RARA: variants seen among roughly 807,000 people sequenced by gnomAD.
RARA encodes PML-DDX5-RARA fusion.
In RARA, 5 loss-of-function variants were observed where a neutral mutation model predicts 42.8. The observed-to-expected ratio is 0.12, with a 90% confidence interval of 0.06 to 0.25. The LOEUF is 0.25. RARA is among the 10% of genes least tolerant of loss of function. The pLI, the probability that RARA is intolerant of heterozygous loss-of-function variation, is 1.00. For missense variants in RARA, 402 were observed against 628.7 expected (o/e 0.64, Z 3.86); for synonymous variants, 256 against 259.5 (o/e 0.99, Z 0.13).
At chr17:40,315,171 T>TACACACAC (rs71355449) in intron 1 of RARA, among the ~76,000 whole-genome samples, 22 of 76,562 alleles carry the variant, frequency 2.9e-4, no homozygotes, top group African/African-American at 8.2e-4. Flanking sequence ...TATATATATA[T>TACACACAC]ACACACACAC....
At chr17:40,311,272 C>T (rs1397155012) in intron 1 of RARA, among the ~76,000 whole-genome samples, 2 of 152,072 alleles carry the variant, frequency 1.3e-5, no homozygotes, top group South Asian at 4.1e-4. Flanking sequence ...GGCACTGCCC[C>T]GGCCTCCCAA....
At chr17:40,338,733 G>A (rs956621042) in intron 2 of RARA, among the ~76,000 whole-genome samples, 2 of 151,276 alleles carry the variant, frequency 1.3e-5, no homozygotes, top group Non-Finnish European at 2.9e-5. Flanking sequence ...AAAAAGCGTG[G>A]GCACGGTGGC....
chr17:40,338,256 G>A (rs1383504653), intron 2 of RARA, among the ~76,000 whole-genome samples: 10 of 152,228 alleles, frequency 6.6e-5, no homozygotes, highest in Admixed American at 5.2e-4. Context: ...GGAAGAGGAA[G>A]TGGTTTCCAT....
intron 2 of RARA, among the ~76,000 whole-genome samples, chr17:40,333,091 C>T (rs756841004): frequency 1.3e-5 from 2 of 152,116 alleles, no homozygotes; most frequent in Non-Finnish European, 2.9e-5. Flanking sequence ...GCTCTGTCAC[C>T]GAGGCTGGAG....
chr17:40,330,357 G>A (rs1445558121), intron 1 of RARA, among the ~76,000 whole-genome samples: 3 of 152,138 alleles, frequency 2.0e-5, no homozygotes, highest in Non-Finnish European at 2.9e-5. Flanking sequence ...GGACAAACCC[G>A]TCTGGGGTGC....
chr17:40,356,151 C>T lies in RARA; in HGVS notation c.1314C>T (p.Ala438=), dbSNP rs755494022. The stretch of plus-strand genomic sequence containing the variant: ...GGGGGCGGGACGGGGGTGGCCTGGC[C>T]CCCCCGCCAGGCAGCTGTAGCCCCA... The part of the protein sequence containing the change: ...GGGGRDGGGL[A]PPPGSCSPSL... The change falls in exon 9 of 9, where the codon GCC becomes GCT. Residue 438 remains alanine (A), a synonymous_variant. Coordinates refer to ENST00000254066, the MANE Select transcript of RARA (RefSeq NM_000964.4). 7 of 1,554,038 alleles carry T rather than the reference C, an allele frequency of 4.5e-6. No individual in the cohort carries two copies. The highest frequency in any genetic ancestry group is 1.4e-5 in the African/African-American group (1 of 73,570).
chr17:40,355,385 A>T lies in RARA; in HGVS notation c.1135A>T (p.Met379Leu), dbSNP rs1186254491. Residue 379 changes from methionine (M) to leucine (L), a missense_variant, in exon 8 of 9, where the codon ATG (methionine) becomes TTG (leucine). Physicochemically the swap from Met to Leu is conservative, Grantham distance 15 (BLOSUM62 2). Transcript: ENST00000254066. This position sits in a 1 kb window ranked among gnomAD's most constrained non-coding sequence, Gnocchi z 4.1. ...SRPHMFPKML[M>L]KITDLRSISA... ...CCCCCACATGTTCCCCAAGATGCTA[A>T]TGAAGATTACTGACCTGCGAAGCAT... is the stretch of plus-strand genomic sequence containing the variant. 6.2e-6 allele frequency: 10 copies of T among 1,614,030 alleles called. No individual in the cohort carries two copies. Among genetic ancestry groups the T allele is most frequent in the Non-Finnish European group, 8.5e-6 (10 of 1,179,942 alleles).
rs761900323 is a variant in RARA at position 40,356,247 on chromosome 17, C to G, written c.*21C>G. ...CGTGACCGCCCACGCCACATGGACA[C>G]AGCCCTCGCCCTCCGCCCCGGCTTT... On this transcript the variant is annotated 3_prime_UTR_variant, in exon 9 of 9. Coordinates refer to ENST00000254066, the MANE Select transcript of RARA (RefSeq NM_000964.4). 1.6e-5 allele frequency: 24 copies of G among 1,546,390 alleles called. No individual in the cohort carries two copies. Among genetic ancestry groups the G allele is most frequent in the South Asian group, 4.8e-5 (4 of 83,978 alleles).
At chr17:40,329,994 G>C (rs148047838) in intron 1 of RARA, among the ~76,000 whole-genome samples, 5 of 152,122 alleles carry the variant, frequency 3.3e-5, no homozygotes, top group Admixed American at 6.5e-5. Context: ...CTCTGTCTCT[G>C]TCTCTACCCC....
chr17:40,351,394 C>G lies in RARA; in HGVS notation c.470-516C>G, dbSNP rs2034444248. On this transcript the variant is annotated intron_variant, in intron 4 of 8. Coordinates refer to ENST00000254066, the MANE Select transcript of RARA (RefSeq NM_000964.4). This position sits in a 1 kb window ranked among gnomAD's most constrained non-coding sequence, Gnocchi z 4.1. ...AGCGCCCCTGGTGATTTGTCAGCTC[C>G]CCAGCTAATGGGCCAAGAGATTCTC... 4.6e-6 allele frequency: 2 copies of G among 436,936 alleles called. No individual in the cohort carries two copies. The allele number at this position is 436,936 out of a possible 1,614,324, so 27.1% of individuals were successfully genotyped here. A position where few individuals can be genotyped will look rare whatever the true frequency, so the allele number is the denominator to read the frequency against.
intron 1 of RARA, among the ~76,000 whole-genome samples, chr17:40,324,230 G>C (rs2072219892): frequency 6.6e-6 from 1 of 152,158 alleles, no homozygotes; most frequent in African/African-American, 2.4e-5. Context: ...AGAGCTGCCT[G>C]CGTATGGTCC....
rs138835393 is a variant in RARA at position 40,340,689 on chromosome 17, A to G, written c.179-7627A>G. ...GGTACCTATGTTAATTCTTCAGAGC[A>G]TAATAGCATTTATCTCAGTTTGCAA... On this transcript the variant is annotated intron_variant, in intron 2 of 8. Coordinates refer to ENST00000254066, the MANE Select transcript of RARA (RefSeq NM_000964.4). Among the ~76,000 whole-genome samples the G allele has an allele frequency of 5.9e-3, 906 of 152,348 alleles. 7 individuals are homozygous for G. The highest frequency in any genetic ancestry group is 0.021 in the African/African-American group (877 of 41,592).
At chr17:40,330,382 G>C (rs150131469) in intron 1 of RARA, among the ~76,000 whole-genome samples, 6 of 152,082 alleles carry the variant, frequency 3.9e-5, no homozygotes, top group Non-Finnish European at 7.4e-5. Context: ...GCTTGGATCT[G>C]GGGGGGAAGT....
At chr17:40,343,333 G>A (rs2034143087) in intron 2 of RARA, among the ~76,000 whole-genome samples, 1 of 152,172 alleles carries the variant, frequency 6.6e-6, no homozygotes, top group Admixed American at 6.5e-5. Context: ...GACAGCTGCT[G>A]CCCCCAGCCC....
At position 40,320,872 on chromosome 17, in the gene RARA, A is replaced by G. The variant is rs2033355381; in HGVS notation, c.-362-9985A>G. On this transcript the variant is annotated intron_variant, in intron 1 of 8. Transcript: ENST00000254066. The surrounding 1 kb of genome is among the most constrained non-coding windows in gnomAD (Gnocchi z 4.1). ...TAATCTCCGCTTGCTCAGTACCCACACCCATCTTGTGTCGGTAGTTTTGGG... is the reference window on the plus strand; with the variant it reads ...TAATCTCCGCTTGCTCAGTACCCACGCCCATCTTGTGTCGGTAGTTTTGGG... Among the ~76,000 whole-genome samples the G allele has an allele frequency of 6.6e-6, 1 of 152,110 alleles. No individual in the cohort carries two copies. The highest frequency in any genetic ancestry group is 2.4e-5 in the African/African-American group (1 of 41,414).
At chr17:40,350,910 G>A (rs761420346) in intron 4 of RARA, among the ~76,000 whole-genome samples, 1 of 151,964 alleles carries the variant, frequency 6.6e-6, no homozygotes, top group Non-Finnish European at 1.5e-5. Flanking sequence ...CTCTCTGTTT[G>A]TGCCACCTTC....
chr17:40,321,105 C>T lies in RARA; in HGVS notation c.-362-9752C>T, dbSNP rs1477708594. On this transcript the variant is annotated intron_variant, in intron 1 of 8. Transcript: ENST00000254066. ...CCCACACAGTTTGTGGGGGGATGCA[C>T]GGTGGGGGGCAGGGCCTGGATCTCC... is the stretch of plus-strand genomic sequence containing the variant. Among the ~76,000 whole-genome samples, 13 of 151,948 alleles carry T rather than the reference C, an allele frequency of 8.6e-5. No homozygotes were observed. In the South Asian group the frequency reaches 1.2e-3, roughly 15 times the overall value.
rs540747475 is a variant in RARA at position 40,354,092 on chromosome 17, C to G, written c.808-210C>G. 1.3e-5 allele frequency among the ~76,000 whole-genome samples: 2 copies of G among 152,322 alleles called. No individual in the cohort carries two copies. The highest frequency in any genetic ancestry group is 4.8e-5 in the African/African-American group (2 of 41,568). ...TTCCTCAGTTGCATTAGCCACATTT[C>G]AAGTACTCAGTAGACGCATGTGGCT... On this transcript the variant is annotated intron_variant, in intron 6 of 8. Coordinates refer to ENST00000254066, the MANE Select transcript of RARA (RefSeq NM_000964.4). This position sits in a 1 kb window ranked among gnomAD's most constrained non-coding sequence, Gnocchi z 4.5.
Position 40,352,111 on chromosome 17 carries a change from G to T in RARA, c.630+41G>T. ...GGCCTGCAGGGTGGGATTTGCCCAG[G>T]GCCACAGGGCCAGGATGGGCCCCTC... is the stretch of plus-strand genomic sequence containing the variant. On this transcript the variant is annotated intron_variant, in intron 5 of 8. Coordinates refer to ENST00000254066, the MANE Select transcript of RARA (RefSeq NM_000964.4). This position sits in a 1 kb window ranked among gnomAD's most constrained non-coding sequence, Gnocchi z 4.9. 6.6e-7 allele frequency: 1 copy of T among 1,507,510 alleles called. No homozygotes were observed. The highest frequency in any genetic ancestry group is 1.3e-5 in the South Asian group (1 of 76,604). The allele number at this position is 1,507,510 out of a possible 1,614,324, so 93.4% of individuals were successfully genotyped here.
Sources: gnomAD v4.1 joint callset for allele counts (sites outside exome capture counted in the v4.1 genomes callset) on GRCh38, gnomAD v4.1.1 for gene constraint, Gnocchi (gnomAD v3.1) non-coding constraint, MANE v1.5 for transcripts, NCBI Gene and HGNC (gene_info 2026-07-23, HGNC 2026-07-21) for gene names.